EFL1: variants seen among roughly 807,000 people sequenced by gnomAD.
EFL1 encodes elongation factor-like GTPase 1.
A neutral mutation model predicts 126.7 loss-of-function variants in EFL1; 76 were observed. That is an observed-to-expected ratio of 0.60 (90% CI 0.50 to 0.73). EFL1 has a LOEUF of 0.73. Ranked by LOEUF, EFL1 falls within the 30% of genes least tolerant of loss-of-function variation. The pLI is 0.00. For missense variants in EFL1, 1,128 were observed against 1,343.2 expected (o/e 0.84, Z 2.50); for synonymous variants, 410 against 448.4 (o/e 0.91, Z 1.08).
intron 15 of EFL1, among the ~76,000 whole-genome samples, chr15:82,210,162 A>C (rs1310003250): frequency 1.3e-5 from 2 of 152,270 alleles, no homozygotes; most frequent in Non-Finnish European, 2.9e-5. Context: ...GTTAAAATGC[A>C]AAAGGAAACA....
intron 7 of EFL1, among the ~76,000 whole-genome samples, chr15:82,233,394 T>C (rs1454353662): frequency 1.3e-5 from 2 of 152,210 alleles, no homozygotes; most frequent in African/African-American, 4.8e-5. Context: ...CAGAAAGATT[T>C]ATATTCCAAG....
intron 15 of EFL1, among the ~76,000 whole-genome samples, chr15:82,212,250 A>G (rs2074598202): frequency 6.6e-6 from 1 of 152,252 alleles, no homozygotes; most frequent in Non-Finnish European, 1.5e-5. Flanking sequence ...TAGGATTATG[A>G]CAAATCCCAG....
chr15:82,146,798 G>A (rs2073851279), intron 18 of EFL1, among the ~76,000 whole-genome samples: 1 of 152,090 alleles, frequency 6.6e-6, no homozygotes, highest in African/African-American at 2.4e-5. Flanking sequence ...TTCATAGAAG[G>A]CAGTGAGGCC....
chr15:82,166,789 T>C (rs2074083908), intron 15 of EFL1, among the ~76,000 whole-genome samples: 1 of 152,234 alleles, frequency 6.6e-6, no homozygotes, highest in South Asian at 2.1e-4. Flanking sequence ...TAATTTACAC[T>C]GTTGTAATAA....
chr15:82,248,305 A>G (rs2074991582), intron 4 of EFL1, among the ~76,000 whole-genome samples: 1 of 152,082 alleles, frequency 6.6e-6, no homozygotes, highest in Non-Finnish European at 1.5e-5. Flanking sequence ...CTTCCCTCCC[A>G]GCCTCATTCT....
intron 15 of EFL1, among the ~76,000 whole-genome samples, chr15:82,182,044 G>C (rs1490880023): frequency 1.3e-5 from 2 of 152,086 alleles, no homozygotes; most frequent in African/African-American, 4.8e-5. Context: ...CAGATCATGA[G>C]GTCAGGAGTT....
chr15:82,216,837 A>G (rs1468010658), intron 14 of EFL1, among the ~76,000 whole-genome samples: 1 of 152,190 alleles, frequency 6.6e-6, no homozygotes, highest in Non-Finnish European at 1.5e-5. Context: ...GAGTACATTT[A>G]CATTAATAAC....
intron 15 of EFL1, among the ~76,000 whole-genome samples, chr15:82,209,389 C>G (rs367739710): frequency 1.6e-4 from 24 of 151,388 alleles, no homozygotes; most frequent in African/African-American, 5.6e-4. Flanking sequence ...ACCCAGCAAC[C>G]AACCATGGCA....
intron 15 of EFL1, among the ~76,000 whole-genome samples, chr15:82,170,137 C>T (rs1424559175): frequency 6.9e-5 from 7 of 101,144 alleles, no homozygotes; most frequent in Admixed American, 2.8e-4. Flanking sequence ...TTTTTTGAGA[C>T]GGAGTCTCGC....
chr15:82,137,674 A>G (rs2073736776), intron 19 of EFL1, among the ~76,000 whole-genome samples: 1 of 152,282 alleles, frequency 6.6e-6, no homozygotes, highest in Non-Finnish European at 1.5e-5. Context: ...GTAAAAGGGA[A>G]TAATGTGAAG....
intron 17 of EFL1, among the ~76,000 whole-genome samples, chr15:82,156,744 T>A (rs2073972554): frequency 6.6e-6 from 1 of 152,206 alleles, no homozygotes; most frequent in Non-Finnish European, 1.5e-5. Flanking sequence ...ATTATTTTTG[T>A]TATGATTATG....
chr15:82,171,508 A>G (rs2074135376), intron 15 of EFL1, among the ~76,000 whole-genome samples: 1 of 152,240 alleles, frequency 6.6e-6, no homozygotes, highest in African/African-American at 2.4e-5. Flanking sequence ...ATGAAATGTG[A>G]AAAATGATAT....
At chr15:82,259,645 G>A (rs751229136) in intron 2 of EFL1, among the ~76,000 whole-genome samples, 2 of 152,086 alleles carry the variant, frequency 1.3e-5, no homozygotes, top group Non-Finnish European at 1.5e-5. Context: ...AAGAATCTTC[G>A]AATATATTTA....
intron 15 of EFL1, among the ~76,000 whole-genome samples, chr15:82,169,379 C>T (rs2074110531): frequency 6.6e-6 from 1 of 151,824 alleles, no homozygotes; most frequent in South Asian, 2.1e-4. Context: ...TCTTATGATC[C>T]TTTCTTGGAG....
At chr15:82,188,691 T>A (rs1395626895) in intron 15 of EFL1, among the ~76,000 whole-genome samples, 1 of 152,148 alleles carries the variant, frequency 6.6e-6, no homozygotes, top group Non-Finnish European at 1.5e-5. Flanking sequence ...CTTTCAACAA[T>A]TATTTTTAAA....
intron 15 of EFL1, among the ~76,000 whole-genome samples, chr15:82,213,967 C>G (rs1218513089): frequency 6.6e-6 from 1 of 152,204 alleles, no homozygotes. Context: ...ATTAGCTATT[C>G]TGGACCAACA....
intron 4 of EFL1, among the ~76,000 whole-genome samples, chr15:82,248,173 A>G (rs947211736): frequency 2.0e-5 from 3 of 152,148 alleles, no homozygotes; most frequent in African/African-American, 7.2e-5. Flanking sequence ...CTAGCTCAGA[A>G]GTGAACTATC....
chr15:82,215,257 T>C (rs957898759), intron 14 of EFL1, among the ~76,000 whole-genome samples: 2 of 152,186 alleles, frequency 1.3e-5, no homozygotes, highest in African/African-American at 4.8e-5. Flanking sequence ...AGTTGTTTTA[T>C]TTATAATGTT....
intron 15 of EFL1, among the ~76,000 whole-genome samples, chr15:82,181,772 C>T (rs1839160015): frequency 6.6e-6 from 1 of 152,124 alleles, no homozygotes. Flanking sequence ...GTGTTACATT[C>T]AAATCACGTT....
Sources: gnomAD v4.1 joint callset for allele counts (sites outside exome capture counted in the v4.1 genomes callset) on GRCh38, gnomAD v4.1.1 for gene constraint, MANE v1.5 for transcripts, NCBI Gene and HGNC (gene_info 2026-07-23, HGNC 2026-07-21) for gene names.